Variants in MKKS observed in about 807,000 individuals in gnomAD.
The protein encoded by MKKS is MKKS centrosomal shuttling protein.
A neutral mutation model predicts 33.2 loss-of-function variants in MKKS; 29 were observed. The ratio of observed to expected loss-of-function variants is 0.87; its 90% confidence interval spans 0.65 to 1.19. The LOEUF is 1.19. Among genes scored for constraint, MKKS ranks in the 50% most tolerant of loss-of-function variants. The pLI, the probability that MKKS is intolerant of heterozygous loss-of-function variation, is 0.00. For missense variants in MKKS, 661 were observed against 662.3 expected (o/e 1.00, Z 0.02); for synonymous variants, 260 against 244.0 (o/e 1.07, Z -0.61).
In MKKS at chr20:10,402,979, G is replaced by A. The variant is rs781240789; in HGVS notation, c.*2268C>T. ...TTGTGGGTTAGGAACCAACCTGGGA[G>A]TAGCTTAGCTGGCTTTTTTGCATCA... On this transcript the variant is annotated 3_prime_UTR_variant, in exon 6 of 6. Coordinates refer to ENST00000347364, the MANE Select transcript of MKKS (RefSeq NM_170784.3). The A allele has an allele frequency of 2.6e-5, 4 of 152,206 alleles. No homozygotes were observed. Among genetic ancestry groups the A allele is most frequent in the Non-Finnish European group, 4.4e-5 (3 of 68,048 alleles). 9.4% of individuals were successfully genotyped at this position (152,206 alleles called of 1,614,324 possible).
chr20:10,412,270 A>G (rs1772956243), intron 3 of MKKS, among the ~76,000 whole-genome samples: 1 of 152,220 alleles, frequency 6.6e-6, no homozygotes, highest in African/African-American at 2.4e-5. Flanking sequence ...AGACTTCTCA[A>G]TAACCTGTAA....
At chr20:10,418,561 G>C (rs540696132) in intron 2 of MKKS, among the ~76,000 whole-genome samples, 204 of 152,140 alleles carry the variant, frequency 1.3e-3, no homozygotes, top group African/African-American at 4.6e-3. Flanking sequence ...CTGCTTGCTT[G>C]ACTGGAAATG....
At chr20:10,409,198 A>AT (rs35072167) in intron 3 of MKKS, among the ~76,000 whole-genome samples, 11 of 151,436 alleles carry the variant, frequency 7.3e-5, no homozygotes, top group South Asian at 6.3e-4. Context: ...GTGACAGGCT[A>AT]TTTTTTTTTA....
chr20:10,427,029 G>GACACACACACAC (rs377703248), intron 1 of MKKS, among the ~76,000 whole-genome samples: 2,222 of 130,674 alleles, frequency 0.017, 45 homozygotes, highest in Middle Eastern at 0.03. Flanking sequence ...AGAAAACACT[G>GACACACACACAC]ACACACACAC....
At chr20:10,406,772 T>G (rs1220253328) in intron 5 of MKKS, among the ~76,000 whole-genome samples, 1 of 152,230 alleles carries the variant, frequency 6.6e-6, no homozygotes, top group Non-Finnish European at 1.5e-5. Flanking sequence ...CATTTCAGAA[T>G]ACATTATTGT....
In MKKS at chr20:10,413,258, G is replaced by T. The variant is rs762258242; in HGVS notation, c.257C>A (p.Ser86Ter). 7 of 1,614,076 alleles carry T rather than the reference G, an allele frequency of 4.3e-6. No individual in the cohort carries two copies. In the East Asian group the frequency reaches 1.6e-4, roughly 36 times the overall value. Residue 86 changes from serine to a stop codon, truncating the protein, a stop_gained, in exon 3 of 6, where the codon TCA (serine) becomes TAA (stop). Transcript: ENST00000347364. LOFTEE classifies it high-confidence loss of function. ...ILTASIQNHV[S>*]SFSDCGLFTA... ...GAATAAGCCACAATCACTGAAGCTT[G>T]ACACATGATTCTGTATGGAGGCTGT...
chr20:10,417,019 T>C (rs2064943830), intron 2 of MKKS, among the ~76,000 whole-genome samples: 1 of 152,074 alleles, frequency 6.6e-6, no homozygotes. Context: ...GCAATGATAA[T>C]GAATAGTCGC....
chr20:10,431,837 G>A (rs1189286436), intron 1 of MKKS: 1 of 152,182 alleles, frequency 6.6e-6, no homozygotes, highest in Non-Finnish European at 1.5e-5. Flanking sequence ...CACAGAGGAT[G>A]GCTTATTCTT....
intron 1 of MKKS, among the ~76,000 whole-genome samples, chr20:10,429,793 G>C (rs752759485): frequency 3.3e-5 from 5 of 152,102 alleles, no homozygotes; most frequent in Admixed American, 6.5e-5. Flanking sequence ...AATTCCAGTA[G>C]TTCTCAAACT....
rs1268028502 is a variant in MKKS, at chr20:10,401,122, T to C, written c.*4125A>G. ...TAAATTCACACTTCATTACAGGTAATATAGTATTCTATGGATTTTAGTGCG... is the reference window on the plus strand; with the variant it reads ...TAAATTCACACTTCATTACAGGTAACATAGTATTCTATGGATTTTAGTGCG... On this transcript the variant is annotated 3_prime_UTR_variant, in exon 6 of 6. Transcript: ENST00000347364. The C allele has an allele frequency of 1.3e-5, 2 of 152,210 alleles. No homozygotes were observed. The highest frequency in any genetic ancestry group is 2.9e-5 in the Non-Finnish European group (2 of 68,042). The allele number at this position is 152,210 out of a possible 1,614,324, so 9.4% of individuals were successfully genotyped here. A position where few individuals can be genotyped will look rare whatever the true frequency, so the allele number is the denominator to read the frequency against.
In MKKS at chr20:10,429,194, A is replaced by G. The variant is rs1173736383; in HGVS notation, c.-649+4914T>C. Reference sequence around the variant, plus strand: ...CTGCTTTTGTTTCATTCTCCATGGAAAGTGTTCTGACCATAAAGATCACCA... The same window carrying G: ...CTGCTTTTGTTTCATTCTCCATGGAGAGTGTTCTGACCATAAAGATCACCA... On this transcript the variant is annotated intron_variant, in intron 1 of 5. Coordinates refer to ENST00000347364, the MANE Select transcript of MKKS (RefSeq NM_170784.3). Among the ~76,000 whole-genome samples, 8 of 152,294 alleles carry G rather than the reference A, an allele frequency of 5.3e-5. No homozygotes were observed. In the East Asian group the frequency reaches 1.5e-3, roughly 29 times the overall value.
chr20:10,410,942 G>C (rs568519471), intron 3 of MKKS, among the ~76,000 whole-genome samples: 2 of 151,552 alleles, frequency 1.3e-5, no homozygotes, highest in Admixed American at 1.3e-4. Flanking sequence ...TTATGGGCTA[G>C]TGTGGAAACC....
chr20:10,433,725 G>A (rs1364277406), intron 1 of MKKS, among the ~76,000 whole-genome samples: 3 of 152,014 alleles, frequency 2.0e-5, no homozygotes, highest in South Asian at 2.1e-4. Flanking sequence ...GGGGTACACC[G>A]TGCACCCTCC....
At chr20:10,427,349 G>A (rs997456929) in intron 1 of MKKS, among the ~76,000 whole-genome samples, 4 of 152,084 alleles carry the variant, frequency 2.6e-5, no homozygotes, top group Non-Finnish European at 5.9e-5. Flanking sequence ...AATTGCTGTT[G>A]TGATTTGAAA....
Position 10,405,677 on chromosome 20 carries a change from T to A in MKKS, c.1283A>T (p.Asp428Val). Residue 428 changes from aspartate to valine, a missense_variant, in exon 6 of 6, where the codon GAC becomes GTC. Transcript: ENST00000347364. ...ATCATCTTTGAGAATGCTTTCTGGG[T>A]CGTTGTGAGTCTAAAGAGTAATAAA... is the stretch of plus-strand genomic sequence containing the variant. ...AAYIRHKTHN[D>V]PESILKDDEC... 1 of 1,613,420 alleles carries A rather than the reference T, an allele frequency of 6.2e-7. No individual in the cohort carries two copies. Among genetic ancestry groups the A allele is most frequent in the Non-Finnish European group, 8.5e-7 (1 of 1,179,398 alleles).
At position 10,408,679 on chromosome 20, in the gene MKKS, G is replaced by A. The variant is rs1373653954; in HGVS notation, c.1110C>T (p.Ile370=). 3 of 1,614,078 alleles carry A rather than the reference G, an allele frequency of 1.9e-6. No individual in the cohort carries two copies. Among genetic ancestry groups the A allele is most frequent in the Non-Finnish European group, 2.5e-6 (3 of 1,180,006 alleles). ...TTCTGTTGCAGAGAAGCAAGCTGCA[G>A]ATTGTTGCTTCATTAGGAATAAGAT... The part of the protein sequence containing the change: ...FFHLIPNEAT[I]CSLLLCNRND... The change falls in exon 4 of 6, where the codon ATC becomes ATT. Residue 370 remains isoleucine (I), a synonymous_variant. Coordinates refer to ENST00000347364, the MANE Select transcript of MKKS (RefSeq NM_170784.3).
At chr20:10,432,605 C>G (rs1367165164) in intron 1 of MKKS, among the ~76,000 whole-genome samples, 1 of 151,944 alleles carries the variant, frequency 6.6e-6, no homozygotes, top group Non-Finnish European at 1.5e-5. Context: ...CCAGCCTGGC[C>G]AACATGGCGA....
chr20:10,433,595 G>A (rs1343106855), intron 1 of MKKS, among the ~76,000 whole-genome samples: 9 of 152,178 alleles, frequency 5.9e-5, no homozygotes, highest in African/African-American at 2.2e-4. Context: ...ACCTTAGAGG[G>A]TCATCCCTAC....
intron 1 of MKKS, among the ~76,000 whole-genome samples, chr20:10,431,518 T>C (rs1258748480): frequency 7.0e-6 from 1 of 143,834 alleles, no homozygotes; most frequent in Non-Finnish European, 1.5e-5. Flanking sequence ...CAATGCTGTA[T>C]AGGGTCAAAA....
Sources: gnomAD v4.1 joint callset for allele counts (sites outside exome capture counted in the v4.1 genomes callset) on GRCh38, gnomAD v4.1.1 for gene constraint, MANE v1.5 for transcripts, NCBI Gene and HGNC (gene_info 2026-07-23, HGNC 2026-07-21) for gene names.